NT5DC1: variants seen among roughly 807,000 people sequenced by gnomAD.
NT5DC1 encodes the protein 5'-nucleotidase domain-containing protein 1.
Under a neutral mutation model 59.4 loss-of-function variants are expected in NT5DC1, and 42 were observed. The ratio of observed to expected loss-of-function variants is 0.71; its 90% CI spans 0.55 to 0.92. The LOEUF (loss-of-function observed/expected upper bound fraction) is 0.92, where lower values mean the gene tolerates loss of function less well. Ranked by LOEUF, NT5DC1 falls within the 40% of genes least tolerant of loss-of-function variation. The pLI is 0.00. For synonymous variants in NT5DC1, 172 were observed against 188.1 expected, an observed-to-expected ratio of 0.91 and a Z score of 0.70; for missense variants, 501 against 537.1, an observed-to-expected ratio of 0.93 and a Z score of 0.66.
chr6:116,176,442 G>A (rs1780735822), intron 6 of NT5DC1, among the ~76,000 whole-genome samples: 1 of 152,172 alleles, frequency 6.6e-6, no homozygotes, highest in African/African-American at 2.4e-5. Context: ...GGGTCTTGGG[G>A]ATATTTTCTG....
intron 6 of NT5DC1, among the ~76,000 whole-genome samples, chr6:116,174,702 C>T (rs557620536): frequency 6.6e-6 from 1 of 152,232 alleles, no homozygotes; most frequent in East Asian, 1.9e-4. Flanking sequence ...GTTTTCTCTC[C>T]TTTCTAGCTC....
chr6:116,182,737 G>GT (rs564149589), intron 6 of NT5DC1, among the ~76,000 whole-genome samples: 13 of 151,462 alleles, frequency 8.6e-5, no homozygotes, highest in African/African-American at 2.9e-4. Flanking sequence ...GTGATTGTTT[G>GT]TTTTTTTCTT....
At chr6:116,237,755 G>T in intron 9 of NT5DC1, 1 of 273,746 alleles carries the variant, frequency 3.7e-6, no homozygotes, top group Non-Finnish European at 7.3e-6. Context: ...CCAGTCTGGG[G>T]TTGGGCCCAG....
chr6:116,152,515 G>A (rs1005653807), intron 6 of NT5DC1, among the ~76,000 whole-genome samples: 1 of 152,044 alleles, frequency 6.6e-6, no homozygotes, highest in African/African-American at 2.4e-5. Context: ...GGCACGATGG[G>A]GTCTCCAGGG....
At chr6:116,205,334 A>T (rs1174911216) in intron 6 of NT5DC1, among the ~76,000 whole-genome samples, 1 of 151,770 alleles carries the variant, frequency 6.6e-6, no homozygotes, top group Non-Finnish European at 1.5e-5. Flanking sequence ...AAGACTTCAG[A>T]CTTTTTTTTT....
At position 116,236,195 on chromosome 6, in the gene NT5DC1, G is replaced by A. The variant is rs372069196; in HGVS notation, c.803-771G>A. Among the ~76,000 whole-genome samples, 53 of 152,318 alleles carry A rather than the reference G, an allele frequency of 3.5e-4. No individual in the cohort carries two copies. The East Asian group carries it at 9.6e-3, about 28-fold the overall frequency. ...TATTTTTCTCCATACAATTTGCAAAGCTGTATCAACAGCTACCAAAGTCTC... is the reference window on the plus strand; with the variant it reads ...TATTTTTCTCCATACAATTTGCAAAACTGTATCAACAGCTACCAAAGTCTC... On this transcript the variant is annotated intron_variant, in intron 8 of 11. Transcript: ENST00000319550.
intron 6 of NT5DC1, among the ~76,000 whole-genome samples, chr6:116,127,076 A>G (rs1779336304): frequency 6.6e-6 from 1 of 152,162 alleles, no homozygotes; most frequent in African/African-American, 2.4e-5. Flanking sequence ...ATCGTTTTGA[A>G]TCAAAATCAA....
At chr6:116,204,605 G>A (rs536351048) in intron 6 of NT5DC1, among the ~76,000 whole-genome samples, 2 of 151,976 alleles carry the variant, frequency 1.3e-5, no homozygotes, top group Admixed American at 6.6e-5. Context: ...TGAGCCAGCC[G>A]TTTAACATTT....
intron 6 of NT5DC1, among the ~76,000 whole-genome samples, chr6:116,134,901 G>A (rs1779551899): frequency 2.0e-5 from 3 of 152,088 alleles, no homozygotes; most frequent in African/African-American, 2.4e-5. Flanking sequence ...GAGATGGAAA[G>A]AAAAAGGAGA....
chr6:116,110,786 A>T, intron 3 of NT5DC1, 64 bp from the exon 4 acceptor site: 1 of 1,141,824 alleles, frequency 8.8e-7, no homozygotes, highest in South Asian at 1.2e-5. Context: ...AACAGTCACA[A>T]TGATAGAGGA....
chr6:116,217,026 G>A lies in NT5DC1; in HGVS notation c.530-4028G>A, dbSNP rs74749774. Among the ~76,000 whole-genome samples, 398 of 152,178 alleles carry A rather than the reference G, an allele frequency of 2.6e-3. 1 individual carries two copies. The highest frequency in any genetic ancestry group is 9.3e-3 in the African/African-American group (386 of 41,530). The stretch of plus-strand genomic sequence containing the variant: ...GCATCCTGGCATCTCTAGTCCCCTC[G>A]GACAGCAGCTTTGAAAATTCTGGCC... On this transcript the variant is annotated intron_variant, in intron 6 of 11. Coordinates refer to ENST00000319550, the MANE Select transcript of NT5DC1 (RefSeq NM_152729.3).
At chr6:116,228,751 C>G (rs1198122387) in intron 8 of NT5DC1, among the ~76,000 whole-genome samples, 1 of 152,216 alleles carries the variant, frequency 6.6e-6, no homozygotes, top group Non-Finnish European at 1.5e-5. Flanking sequence ...ATTACATTCT[C>G]TATTATGTGT....
intron 6 of NT5DC1, among the ~76,000 whole-genome samples, chr6:116,215,552 C>A (rs1781672839): frequency 6.6e-6 from 1 of 152,134 alleles, no homozygotes; most frequent in East Asian, 1.9e-4. Flanking sequence ...CATCTGCTGA[C>A]CCTCCCAGCT....
At chr6:116,136,184 C>A (rs1003337174) in intron 6 of NT5DC1, among the ~76,000 whole-genome samples, 2 of 152,086 alleles carry the variant, frequency 1.3e-5, no homozygotes, top group African/African-American at 2.4e-5. Flanking sequence ...TGAGATCATG[C>A]AGTATTTGTC....
chr6:116,234,893 G>A (rs1782086404), intron 8 of NT5DC1, among the ~76,000 whole-genome samples: 1 of 152,110 alleles, frequency 6.6e-6, no homozygotes, highest in African/African-American at 2.4e-5. Flanking sequence ...CTTCCTAGCT[G>A]TGGAGGCTCT....
At chr6:116,123,268 C>G (rs888366334) in intron 6 of NT5DC1, among the ~76,000 whole-genome samples, 1 of 152,004 alleles carries the variant, frequency 6.6e-6, no homozygotes, top group Non-Finnish European at 1.5e-5. Context: ...AGTGACAGGG[C>G]GAACTTTGTC....
In NT5DC1 at chr6:116,246,591, AT is replaced by A. The variant is rs1771853806; in HGVS notation, c.*2568del. 6.6e-6 allele frequency: 1 copy of A among 152,096 alleles called. No individual in the cohort carries two copies. Among genetic ancestry groups the A allele is most frequent in the African/African-American group, 2.4e-5 (1 of 41,440 alleles). The allele number at this position is 152,096 out of a possible 1,614,324, so 9.4% of individuals were successfully genotyped here. On this transcript the variant is annotated 3_prime_UTR_variant, in exon 12 of 12. Transcript: ENST00000319550. ...AAATCAAACTGCCTCTCTAGATATA[AT>A]AACCTTCACTGACTGTTGGAAATAC...
intron 6 of NT5DC1, among the ~76,000 whole-genome samples, chr6:116,186,062 T>C (rs2114482987): frequency 6.6e-6 from 1 of 152,224 alleles, no homozygotes; most frequent in East Asian, 1.9e-4. Context: ...AGTTCTCTTT[T>C]GGTAATGGCA....
At chr6:116,111,050 C>A in intron 4 of NT5DC1, 94 bp downstream of exon 4, 1 of 825,146 alleles carries the variant, frequency 1.2e-6, no homozygotes, top group Non-Finnish European at 2.0e-6. Context: ...CCCCTTTCCC[C>A]TGCTGGGCAG....
Sources: gnomAD v4.1 joint callset for allele counts (sites outside exome capture counted in the v4.1 genomes callset) on GRCh38, gnomAD v4.1.1 for gene constraint, MANE v1.5 for transcripts, NCBI Gene and HGNC (gene_info 2026-07-23, HGNC 2026-07-21) for gene names.